EYS: variants seen among roughly 807,000 people sequenced by gnomAD.
EYS encodes protein eyes shut homolog.
EYS carries 250 observed loss-of-function variants against 282.1 expected under a neutral mutation model. The observed-to-expected ratio is 0.89, with a 90% CI of 0.80 to 0.98. The LOEUF (loss-of-function observed/expected upper bound fraction) is 0.98. Among genes scored for constraint, EYS ranks in the 50% least tolerant of loss-of-function variants. The probability of loss-of-function intolerance (pLI) is 0.00; values close to 1 mark genes in which losing one functional copy is unlikely to be tolerated. For missense variants in EYS, 4,016 were observed against 3,709.0 expected, an observed-to-expected ratio of 1.08 and a Z score of -2.15; for synonymous variants, 1,355 against 1,282.9, an observed-to-expected ratio of 1.06 and a Z score of -1.20.
At chr6:64,676,351 T>TATATAG (rs1554192088) in intron 22 of EYS, among the ~76,000 whole-genome samples, 2 of 145,462 alleles carry the variant, frequency 1.4e-5, no homozygotes, top group Non-Finnish European at 3.0e-5. Context: ...TATATATATA[T>TATATAG]AGAGAGAGAG....
At chr6:65,268,075 TC>T (rs1349134206) in intron 12 of EYS, among the ~76,000 whole-genome samples, 1 of 152,054 alleles carries the variant, frequency 6.6e-6, no homozygotes, top group Non-Finnish European at 1.5e-5. Context: ...ATTTGCATAT[TC>T]ACAATGTAAA....
chr6:65,036,587 A>G (rs1416727224), intron 13 of EYS, among the ~76,000 whole-genome samples: 1 of 151,808 alleles, frequency 6.6e-6, no homozygotes, highest in Non-Finnish European at 1.5e-5. Context: ...AATATCCAGA[A>G]TCTGTAAGGA....
At chr6:64,741,262 C>A (rs1191548885) in intron 22 of EYS, among the ~76,000 whole-genome samples, 1 of 151,956 alleles carries the variant, frequency 6.6e-6, no homozygotes, top group Non-Finnish European at 1.5e-5. Flanking sequence ...GGTGACCAGG[C>A]CCCTCGTCAA....
chr6:64,535,671 C>T (rs896333622), intron 26 of EYS, among the ~76,000 whole-genome samples: 4 of 151,222 alleles, frequency 2.6e-5, no homozygotes, highest in Admixed American at 2.0e-4. Flanking sequence ...CCTGGGAGGT[C>T]GAGGCTGCAG....
intron 2 of EYS, among the ~76,000 whole-genome samples, chr6:65,589,130 G>A (rs990960787): frequency 1.3e-5 from 2 of 151,898 alleles, no homozygotes; most frequent in African/African-American, 4.8e-5. Context: ...CATGCCCTGT[G>A]ACTTCCTACC....
At chr6:65,574,443 G>A (rs1028657454) in intron 2 of EYS, among the ~76,000 whole-genome samples, 1 of 152,148 alleles carries the variant, frequency 6.6e-6, no homozygotes. Flanking sequence ...GATATTCTAT[G>A]CAAGTGGATA....
rs1032369779 is a variant in EYS at position 64,911,196 on chromosome 6, A to C, written c.2641+1288T>G. Among the ~76,000 whole-genome samples, 8 of 152,062 alleles carry C rather than the reference A, an allele frequency of 5.3e-5. No homozygotes were observed. The East Asian group carries it at 1.5e-3, about 29-fold the overall frequency. On this transcript the variant is annotated intron_variant, in intron 16 of 42. Coordinates refer to ENST00000503581, the MANE Select transcript of EYS (RefSeq NM_001142800.2). ...GGAAAACTATTTACTTGTTTGAATT[A>C]TGTTCTTCATAATTACTAAATTTTT...
At chr6:64,886,906 T>TTA in intron 18 of EYS, 64 bp from the exon 19 acceptor site, 1 of 926,018 alleles carries the variant, frequency 1.1e-6, no homozygotes, top group Non-Finnish European at 1.6e-6. Context: ...TTATATATGA[T>TTA]TCATATTTAT....
intron 30 of EYS, among the ~76,000 whole-genome samples, chr6:64,253,750 A>AGG (rs71551575): frequency 0.013 from 1,933 of 151,736 alleles, 36 homozygotes; most frequent in African/African-American, 0.045. Context: ...GACTTAGTGC[A>AGG]GGGGGGTTTA....
At chr6:64,520,708 T>A (rs560625701) in intron 26 of EYS, among the ~76,000 whole-genome samples, 2 of 150,396 alleles carry the variant, frequency 1.3e-5, no homozygotes, top group East Asian at 1.9e-4. Flanking sequence ...CATTTTAAAA[T>A]TTTTTTCCCT....
At chr6:65,267,589 T>G (rs929403572) in intron 12 of EYS, among the ~76,000 whole-genome samples, 10 of 151,974 alleles carry the variant, frequency 6.6e-5, no homozygotes, top group African/African-American at 2.2e-4. Context: ...CTCTCTTATA[T>G]TTTACTTATG....
intron 31 of EYS, among the ~76,000 whole-genome samples, chr6:64,159,791 C>T (rs925098108): frequency 6.6e-6 from 1 of 151,900 alleles, no homozygotes. Flanking sequence ...ATGTCTACAA[C>T]CCCATGAATG....
chr6:64,966,515 A>G (rs1485416978), intron 14 of EYS, among the ~76,000 whole-genome samples: 1 of 152,186 alleles, frequency 6.6e-6, no homozygotes, highest in Non-Finnish European at 1.5e-5. Flanking sequence ...GTGAGGACGA[A>G]AACAGGTTAG....
At chr6:65,563,406 A>G (rs904580260) in intron 2 of EYS, among the ~76,000 whole-genome samples, 14 of 152,106 alleles carry the variant, frequency 9.2e-5, no homozygotes, top group Non-Finnish European at 5.9e-5. Context: ...AAACTATGTT[A>G]TATTTTTTAT....
At chr6:65,511,040 T>G (rs911248353) in intron 2 of EYS, among the ~76,000 whole-genome samples, 2 of 152,204 alleles carry the variant, frequency 1.3e-5, no homozygotes, top group Admixed American at 6.5e-5. Context: ...CACCAATTCC[T>G]TAAGGATATA....
chr6:64,655,634 A>G (rs773370024), intron 22 of EYS, among the ~76,000 whole-genome samples: 1 of 152,048 alleles, frequency 6.6e-6, no homozygotes, highest in Non-Finnish European at 1.5e-5. Flanking sequence ...ACAATACTAC[A>G]AATGCATTAC....
intron 28 of EYS, among the ~76,000 whole-genome samples, chr6:64,409,163 A>G (rs1175444562): frequency 1.3e-5 from 2 of 152,170 alleles, no homozygotes; most frequent in Non-Finnish European, 2.9e-5. Context: ...TCCATGGTGT[A>G]TATGCACCAC....
intron 37 of EYS, among the ~76,000 whole-genome samples, chr6:63,803,524 G>A (rs1042434323): frequency 2.0e-5 from 3 of 152,248 alleles, no homozygotes; most frequent in African/African-American, 7.2e-5. Flanking sequence ...GGCTGTCCAT[G>A]CTCAGACAAA....
intron 36 of EYS, among the ~76,000 whole-genome samples, chr6:63,850,367 T>C (rs576664089): frequency 1.3e-5 from 2 of 152,018 alleles, no homozygotes; most frequent in Admixed American, 6.5e-5. Context: ...CACCAAGACA[T>C]ATAATCATCA....
Sources: gnomAD v4.1 joint callset for allele counts (sites outside exome capture counted in the v4.1 genomes callset) on GRCh38, gnomAD v4.1.1 for gene constraint, MANE v1.5 for transcripts, NCBI Gene and HGNC (gene_info 2026-07-23, HGNC 2026-07-21) for gene names.